Variants in CLSTN1 observed in about 807,000 individuals in gnomAD.
CLSTN1 encodes calsyntenin-1.
CLSTN1 carries 28 observed loss-of-function variants against 108.3 expected under a neutral mutation model. The ratio of observed to expected loss-of-function variants is 0.26; its 90% CI spans 0.19 to 0.35. The LOEUF is 0.35. CLSTN1 is among the 10% of genes least tolerant of loss of function. The pLI is 1.00. For missense variants in CLSTN1, 1,157 were observed against 1,302.6 expected (o/e 0.89, Z 1.72); for synonymous variants, 524 against 534.9 (o/e 0.98, Z 0.28).
intron 1 of CLSTN1, among the ~76,000 whole-genome samples, chr1:9,806,527 G>A (rs1654512982): frequency 6.6e-6 from 1 of 152,118 alleles, no homozygotes; most frequent in African/African-American, 2.4e-5. Context: ...TGTAGAATAT[G>A]ACTGCATTTT....
At position 9,755,939 on chromosome 1, in the gene CLSTN1, G is replaced by A. The variant is rs575411177; in HGVS notation, c.244+542C>T. ...TTTCAACAGCTATTTTATCATCTAC[G>A]ATTCAGACACAGTTTCTATTATGGG... On this transcript the variant is annotated intron_variant, in intron 3 of 18. Transcript: ENST00000377298. Among the ~76,000 whole-genome samples, 38 of 152,228 alleles carry A rather than the reference G, an allele frequency of 2.5e-4. No individual in the cohort carries two copies. In the South Asian group the frequency reaches 7.5e-3, roughly 30 times the overall value.
chr1:9,782,021 T>C (rs907176979), intron 1 of CLSTN1, among the ~76,000 whole-genome samples: 1 of 152,220 alleles, frequency 6.6e-6, no homozygotes, highest in Admixed American at 6.5e-5. Flanking sequence ...CATTGGTGAA[T>C]TCTGATTTAG....
At chr1:9,750,925 CGTG>C (rs927528462) in intron 5 of CLSTN1, among the ~76,000 whole-genome samples, 3 of 151,536 alleles carry the variant, frequency 2.0e-5, no homozygotes, top group Non-Finnish European at 4.4e-5. Context: ...ATTAGCTGGG[CGTG>C]GTGGTGGGCA....
At chr1:9,784,203 C>G in intron 1 of CLSTN1, among the ~76,000 whole-genome samples, 1 of 150,284 alleles carries the variant, frequency 6.7e-6, no homozygotes, top group East Asian at 1.9e-4. Context: ...ATTAACCAAG[C>G]GTGGTGGCAT....
At chr1:9,791,530 G>A (rs1386489222) in intron 1 of CLSTN1, among the ~76,000 whole-genome samples, 2 of 151,126 alleles carry the variant, frequency 1.3e-5, no homozygotes, top group East Asian at 4.0e-4. Flanking sequence ...CACCATGCCC[G>A]GCCCAAATCC....
intron 5 of CLSTN1, among the ~76,000 whole-genome samples, chr1:9,750,778 C>T (rs923054640): frequency 1.3e-5 from 2 of 149,348 alleles, no homozygotes; most frequent in Non-Finnish European, 3.0e-5. Flanking sequence ...TGGCCAGGCG[C>T]GGTGGCTCAC....
chr1:9,823,691 G>C lies in CLSTN1; in HGVS notation c.43C>G (p.Leu15Val). The C allele has an allele frequency of 8.7e-7, 1 of 1,143,956 alleles. No individual in the cohort carries two copies. Among genetic ancestry groups the C allele is most frequent in the Non-Finnish European group, 1.1e-6 (1 of 931,432 alleles). 70.9% of individuals were successfully genotyped at this position (1,143,956 alleles called of 1,614,324 possible). A position where few individuals can be genotyped will look rare whatever the true frequency, so the allele number is the denominator to read the frequency against. The change falls in exon 1 of 19, where the codon CTG becomes GTG. Residue 15 changes from leucine (L) to valine (V), a missense_variant. By Grantham distance (32) the Leu-to-Val change is conservative. Transcript: ENST00000377298. The surrounding 1 kb of genome is among the most constrained non-coding windows in gnomAD (Gnocchi z 6.3). ...CCGCACAGCAGCCCGGCCAGCAGCA[G>C]CCGGGCGGCCGGGGCCAGCGCGGGA... ...PAPALAPAAR[L>V]LLAGLLCGGG...
At chr1:9,817,778 C>CA (rs1445601968) in intron 1 of CLSTN1, among the ~76,000 whole-genome samples, 1 of 151,966 alleles carries the variant, frequency 6.6e-6, no homozygotes, top group African/African-American at 2.4e-5. Context: ...AAAGCTAAAT[C>CA]AAAAAATGAG....
intron 2 of CLSTN1, among the ~76,000 whole-genome samples, chr1:9,770,768 C>T (rs752642160): frequency 1.1e-4 from 17 of 152,066 alleles, no homozygotes; most frequent in Non-Finnish European, 2.1e-4. Flanking sequence ...CCAAGGCAGG[C>T]GCATCACCTG....
intron 4 of CLSTN1, among the ~76,000 whole-genome samples, chr1:9,754,083 A>G (rs1163595338): frequency 6.6e-6 from 1 of 152,172 alleles, no homozygotes; most frequent in Non-Finnish European, 1.5e-5. Flanking sequence ...CTGGGATTAT[A>G]GGTGTGAGCC....
rs183427084 is a variant in CLSTN1, at chr1:9,767,975, C to A, written c.214+5297G>T. On this transcript the variant is annotated intron_variant, in intron 2 of 18. Transcript: ENST00000377298. The stretch of plus-strand genomic sequence containing the variant: ...ACGTATGAATAAAGAAGCTAACATT[C>A]CCCCAAACCAATGAGGTCTGTGACA... Among the ~76,000 whole-genome samples, 14 of 152,300 alleles carry A rather than the reference C, an allele frequency of 9.2e-5. No homozygotes were observed. In the East Asian group the frequency reaches 2.7e-3, roughly 29 times the overall value.
chr1:9,803,948 T>C (rs1041262602), intron 1 of CLSTN1, among the ~76,000 whole-genome samples: 1 of 152,202 alleles, frequency 6.6e-6, no homozygotes, highest in Non-Finnish European at 1.5e-5. Context: ...AGCCTTGATC[T>C]TTTTCTAGAC....
intron 16 of CLSTN1, among the ~76,000 whole-genome samples, chr1:9,732,827 T>C (rs1650479017): frequency 1.3e-5 from 2 of 152,200 alleles, no homozygotes; most frequent in African/African-American, 2.4e-5. Flanking sequence ...CTCGACTTCA[T>C]TCACAGGAGG....
chr1:9,773,436 T>C, intron 1 of CLSTN1, 42 bp from the exon 2 acceptor site: 1 of 1,546,778 alleles, frequency 6.5e-7, no homozygotes, highest in East Asian at 2.3e-5. Flanking sequence ...AGGTTAGAAA[T>C]ATTATTTTCA....
At chr1:9,747,732 G>C (rs1651350428) in intron 7 of CLSTN1, among the ~76,000 whole-genome samples, 2 of 152,084 alleles carry the variant, frequency 1.3e-5, no homozygotes, top group Non-Finnish European at 2.9e-5. Context: ...CTGACCTCAA[G>C]TGATCTGGAT....
chr1:9,786,081 C>T (rs1275469832), intron 1 of CLSTN1, among the ~76,000 whole-genome samples: 2 of 152,024 alleles, frequency 1.3e-5, no homozygotes, highest in African/African-American at 4.8e-5. Flanking sequence ...CCCAGCTACT[C>T]GGGAGGCTGA....
At chr1:9,782,867 C>T (rs917200075) in intron 1 of CLSTN1, among the ~76,000 whole-genome samples, 7 of 152,148 alleles carry the variant, frequency 4.6e-5, no homozygotes, top group South Asian at 2.1e-4. Context: ...ATTAGCCGGG[C>T]GTGGTGGCAC....
chr1:9,782,992 GCGAGA>G (rs1300197233), intron 1 of CLSTN1, among the ~76,000 whole-genome samples: 1 of 152,188 alleles, frequency 6.6e-6, no homozygotes, highest in Non-Finnish European at 1.5e-5. Context: ...GGGTGACAGA[GCGAGA>G]CTCCATCTCA....
At chr1:9,738,571 G>A (rs1206933832) in intron 10 of CLSTN1, among the ~76,000 whole-genome samples, 1 of 152,226 alleles carries the variant, frequency 6.6e-6, no homozygotes, top group East Asian at 1.9e-4. Context: ...CGGCCAACGT[G>A]TAGCAAAAGT....
Sources: allele counts gnomAD v4.1 joint callset (sites outside exome capture counted in the v4.1 genomes callset), GRCh38; gene constraint gnomAD v4.1.1; non-coding constraint Gnocchi (gnomAD v3.1); transcripts MANE v1.5; gene names NCBI Gene and HGNC (gene_info 2026-07-23, HGNC 2026-07-21).